C1orf159: variants seen among roughly 807,000 people sequenced by gnomAD.
C1orf159 encodes the protein uncharacterized protein C1orf159.
A neutral mutation model predicts 25.6 loss-of-function variants in C1orf159; 19 were observed. The ratio of observed to expected loss-of-function variants is 0.74; its 90% CI spans 0.52 to 1.09. The LOEUF (loss-of-function observed/expected upper bound fraction) is 1.09. Ranked by LOEUF, C1orf159 falls within the 50% of genes least tolerant of loss-of-function variation. C1orf159 has a pLI of 0.00. For synonymous variants in C1orf159, 139 were observed against 124.7 expected (o/e 1.12, Z -0.77); for missense variants, 274 against 290.6 (o/e 0.94, Z 0.42).
intron 1 of C1orf159, among the ~76,000 whole-genome samples, chr1:1,105,039 G>A (rs988604323): frequency 6.6e-6 from 1 of 152,132 alleles, no homozygotes; most frequent in Admixed American, 6.6e-5. Context: ...GCCCCTTATC[G>A]CCCCACTTTA....
chr1:1,114,485 G>A (rs185604994), intron 1 of C1orf159, among the ~76,000 whole-genome samples: 2 of 152,324 alleles, frequency 1.3e-5, no homozygotes, highest in South Asian at 2.1e-4. Flanking sequence ...GAGAGCAGCC[G>A]CAAGGCAGGG....
chr1:1,087,992 C>T lies in C1orf159; in HGVS notation c.149-395G>A, dbSNP rs1645861818. Reference sequence around the variant, plus strand: ...GACCCTGAGTACTCCACACTGCGTACTTCAGAGAGTGGTAGGCGGCAGCAT... The same window carrying T: ...GACCCTGAGTACTCCACACTGCGTATTTCAGAGAGTGGTAGGCGGCAGCAT... On this transcript the variant is annotated intron_variant, in intron 4 of 9. Transcript: ENST00000421241. The surrounding 1 kb of genome is among the most constrained non-coding windows in gnomAD (Gnocchi z 8.3). Among the ~76,000 whole-genome samples the T allele has an allele frequency of 6.6e-6, 1 of 152,012 alleles. No homozygotes were observed. The highest frequency in any genetic ancestry group is 2.4e-5 in the African/African-American group (1 of 41,350).
At position 1,089,989 on chromosome 1, in the gene C1orf159, C is replaced by G. The variant is rs1000223283; in HGVS notation, c.148+364G>C. 6.6e-6 allele frequency among the ~76,000 whole-genome samples: 1 copy of G among 152,242 alleles called. No homozygotes were observed. Among genetic ancestry groups the G allele is most frequent in the Non-Finnish European group, 1.5e-5 (1 of 68,040 alleles). ...AGCAGCACCTCTGCCCGAGCACGGACAGGCAAAAATGTCTTGGGCTTTGCC... is the reference window on the plus strand; with the variant it reads ...AGCAGCACCTCTGCCCGAGCACGGAGAGGCAAAAATGTCTTGGGCTTTGCC... On this transcript the variant is annotated intron_variant, in intron 4 of 9. Coordinates refer to ENST00000421241, the MANE Select transcript of C1orf159 (RefSeq NM_017891.5). This position sits in a 1 kb window ranked among gnomAD's most constrained non-coding sequence, Gnocchi z 7.5.
intron 1 of C1orf159, among the ~76,000 whole-genome samples, chr1:1,112,915 G>T (rs931928218): frequency 1.3e-5 from 2 of 152,220 alleles, no homozygotes; most frequent in Admixed American, 6.5e-5. Context: ...GCCTTAGTCG[G>T]TGGGGTGCGG....
chr1:1,090,639 TG>T, intron 3 of C1orf159: 1 of 689,048 alleles, frequency 1.5e-6, no homozygotes, highest in East Asian at 2.7e-5. Flanking sequence ...TGTGGGACCC[TG>T]GGTGGGCGGT....
chr1:1,107,586 A>G (rs1489713433), intron 1 of C1orf159, among the ~76,000 whole-genome samples: 1 of 152,226 alleles, frequency 6.6e-6, no homozygotes, highest in Non-Finnish European at 1.5e-5. Flanking sequence ...CAGGGATCGT[A>G]AACGCACTAA....
intron 1 of C1orf159, among the ~76,000 whole-genome samples, chr1:1,095,266 C>G (rs1645994906): frequency 6.6e-6 from 1 of 152,240 alleles, no homozygotes; most frequent in Non-Finnish European, 1.5e-5. Flanking sequence ...GCGATTTTGA[C>G]TGGCAGAGCC....
chr1:1,092,264 G>A (rs1278437349), intron 1 of C1orf159, 161 bp from the exon 2 acceptor site: 1 of 245,142 alleles, frequency 4.1e-6, no homozygotes, highest in Non-Finnish European at 8.3e-6. Flanking sequence ...GTCTCCACGA[G>A]TGTTTCCCCC....
At chr1:1,094,097 T>G (rs553122804) in intron 1 of C1orf159, among the ~76,000 whole-genome samples, 106 of 152,220 alleles carry the variant, frequency 7.0e-4, no homozygotes, top group African/African-American at 2.4e-3. Flanking sequence ...ATACCTTTTT[T>G]TTTTTGGCAG....
At chr1:1,084,404 A>AGAGT in intron 8 of C1orf159, 21 bp from the exon 9 acceptor site, 2 of 1,581,834 alleles carry the variant, frequency 1.3e-6, no homozygotes, top group Non-Finnish European at 1.7e-6. Context: ...AGAGAAAGGC[A>AGAGT]GAGTGAGGAC....
Position 1,090,836 on chromosome 1 carries a change from G to A in C1orf159, c.73-408C>T, listed in dbSNP as rs1307331706. 2.0e-6 allele frequency: 3 copies of A among 1,494,066 alleles called. No individual in the cohort carries two copies. The East Asian group carries it at 7.4e-5, about 37-fold the overall frequency. 92.6% of individuals were successfully genotyped at this position (1,494,066 alleles called of 1,614,324 possible). A position where few individuals can be genotyped will look rare whatever the true frequency, so the allele number is the denominator to read the frequency against. ...TCAGGGGACGAATTCACGCCCAGGT[G>A]CCCAGGTACTGCACAGGTGCGCTGG... On this transcript the variant is annotated intron_variant, in intron 3 of 9. Transcript: ENST00000421241.
intron 3 of C1orf159, chr1:1,091,145 C>G (rs1189601265): frequency 1.6e-6 from 1 of 630,110 alleles, no homozygotes; most frequent in Non-Finnish European, 2.8e-6. Context: ...CTGGAGCCGC[C>G]GCAGCTACAC....
At chr1:1,100,594 T>C (rs1428041637) in intron 1 of C1orf159, among the ~76,000 whole-genome samples, 2 of 152,204 alleles carry the variant, frequency 1.3e-5, no homozygotes, top group African/African-American at 2.4e-5. Flanking sequence ...GACACTATCG[T>C]TGGATTTCAG....
At chr1:1,094,643 G>A (rs552919284) in intron 1 of C1orf159, among the ~76,000 whole-genome samples, 7 of 152,236 alleles carry the variant, frequency 4.6e-5, no homozygotes, top group Admixed American at 2.0e-4. Context: ...TTTGTGATCC[G>A]CCTGCCTTGG....
chr1:1,113,650 C>A (rs1490907388), intron 1 of C1orf159, among the ~76,000 whole-genome samples: 1 of 152,136 alleles, frequency 6.6e-6, no homozygotes, highest in African/African-American at 2.4e-5. Context: ...GACCTTAGAG[C>A]AGGAGCAACA....
Position 1,087,940 on chromosome 1 carries a change from G to A in C1orf159, c.149-343C>T, listed in dbSNP as rs533636294. On this transcript the variant is annotated intron_variant, in intron 4 of 9. Coordinates refer to ENST00000421241, the MANE Select transcript of C1orf159 (RefSeq NM_017891.5). The surrounding 1 kb of genome is among the most constrained non-coding windows in gnomAD (Gnocchi z 8.3). ...CCGAGTACTCCACGCTGCACTCCAC[G>A]CCGAGCACCCCGGCCCTGAGCACCC... Among the ~76,000 whole-genome samples the A allele has an allele frequency of 5.3e-5, 8 of 150,720 alleles. No homozygotes were observed. The highest frequency in any genetic ancestry group is 1.2e-4 in the African/African-American group (5 of 40,922).
chr1:1,090,445 A>G lies in C1orf159; in HGVS notation c.73-17T>C, dbSNP rs1422480051. 3.2e-6 allele frequency: 5 copies of G among 1,550,084 alleles called. No individual in the cohort carries two copies. Among genetic ancestry groups the G allele is most frequent in the Middle Eastern group, 1.7e-4 (1 of 6,014 alleles). On this transcript the variant is annotated splice_polypyrimidine_tract_variant and intron_variant, in intron 3 of 9. Transcript: ENST00000421241. ...CAGCTGGGCCTGGAGGGGACACGGC[A>G]GTGAAACTCCAGGACGCGCCTGCCA...
In C1orf159 at chr1:1,082,799, G is replaced by C; in HGVS notation, c.*94C>G. On this transcript the variant is annotated 3_prime_UTR_variant, in exon 10 of 10. Coordinates refer to ENST00000421241, the MANE Select transcript of C1orf159 (RefSeq NM_017891.5). ...GGCTGTGCCCAGGACTGTCCCGGGCGCCGGGCGATGCCAACACTTTGTGCT... is the reference window on the plus strand; with the variant it reads ...GGCTGTGCCCAGGACTGTCCCGGGCCCCGGGCGATGCCAACACTTTGTGCT... The C allele has an allele frequency of 8.6e-7, 1 of 1,156,366 alleles. No homozygotes were observed. The highest frequency in any genetic ancestry group is 1.3e-6 in the Non-Finnish European group (1 of 790,872). 71.6% of individuals were successfully genotyped at this position (1,156,366 alleles called of 1,614,324 possible).
At chr1:1,085,141 C>T (rs1370608868) in intron 7 of C1orf159, 1 of 293,004 alleles carries the variant, frequency 3.4e-6, no homozygotes, top group South Asian at 2.6e-5. Flanking sequence ...CCTGAGACCC[C>T]GAGAGAGGTT....
Sources: gnomAD v4.1 joint callset for allele counts (sites outside exome capture counted in the v4.1 genomes callset) on GRCh38, gnomAD v4.1.1 for gene constraint, Gnocchi (gnomAD v3.1) non-coding constraint, MANE v1.5 for transcripts, NCBI Gene and HGNC (gene_info 2026-07-23, HGNC 2026-07-21) for gene names.